Variants in CNBD1 observed in about 807,000 individuals in gnomAD.
CNBD1 encodes the protein cyclic nucleotide binding domain containing 1.
CNBD1 carries 71 observed loss-of-function variants against 54.4 expected under a neutral mutation model. The ratio of observed to expected loss-of-function variants is 1.30; its 90% CI spans 1.08 to 1.59. CNBD1 has a LOEUF of 1.59. Ranked by LOEUF, CNBD1 falls within the 40% of genes most tolerant of loss-of-function variation. The pLI, the probability that CNBD1 is intolerant of heterozygous loss-of-function variation, is 0.00. For synonymous variants in CNBD1, 182 were observed against 170.7 expected (o/e 1.07, Z -0.51); for missense variants, 659 against 518.0 (o/e 1.27, Z -2.64).
chr8:87,150,521 T>A (rs1327406115), intron 4 of CNBD1, among the ~76,000 whole-genome samples: 1 of 152,210 alleles, frequency 6.6e-6, no homozygotes, highest in African/African-American at 2.4e-5. Flanking sequence ...ACAATTTATT[T>A]AAAGATTTTG....
intron 8 of CNBD1, among the ~76,000 whole-genome samples, chr8:87,332,680 A>G (rs1017881978): frequency 1.4e-4 from 21 of 152,080 alleles, no homozygotes; most frequent in Non-Finnish European, 1.6e-4. Context: ...CGAATATCAG[A>G]TGGTTGTAGA....
Position 87,378,746 on chromosome 8 carries a change from G to C in CNBD1, c.1304-3874G>C, listed in dbSNP as rs549486723. Among the ~76,000 whole-genome samples the C allele has an allele frequency of 2.6e-5, 4 of 151,278 alleles. No individual in the cohort carries two copies. The South Asian group carries it at 6.2e-4, about 24-fold the overall frequency. ...TTGAATCTGTAAATTACCTTGGGCA[G>C]TATGGACATTTTCATGATATTGATT... On this transcript the variant is annotated intron_variant, in intron 10 of 10. Transcript: ENST00000518476.
chr8:87,427,943 C>T (rs1178137794), intron 2 of CNBD1, among the ~76,000 whole-genome samples: 6 of 152,068 alleles, frequency 3.9e-5, no homozygotes, highest in Admixed American at 3.9e-4. Flanking sequence ...CAAAGCCCCC[C>T]CAGCATACTT....
intron 4 of CNBD1, among the ~76,000 whole-genome samples, chr8:87,161,905 T>C (rs556605277): frequency 1.8e-4 from 28 of 152,252 alleles, no homozygotes; most frequent in Non-Finnish European, 3.4e-4. Context: ...TAGATTCTTA[T>C]TTTTTGCCTA....
chr8:87,328,347 T>C (rs1311365678), intron 8 of CNBD1, among the ~76,000 whole-genome samples: 1 of 151,992 alleles, frequency 6.6e-6, no homozygotes, highest in Non-Finnish European at 1.5e-5. Flanking sequence ...TTATTTTGTT[T>C]AATCTTTTAA....
At chr8:86,986,313 T>C (rs1808606277) in intron 4 of CNBD1, among the ~76,000 whole-genome samples, 1 of 152,182 alleles carries the variant, frequency 6.6e-6, no homozygotes, top group Non-Finnish European at 1.5e-5. Context: ...TATGTCTTCT[T>C]TTAAGAAGTA....
rs550904517 is a variant in CNBD1 at position 87,369,745 on chromosome 8, C to A, written c.1304-12875C>A. Among the ~76,000 whole-genome samples, 54 of 151,538 alleles carry A rather than the reference C, an allele frequency of 3.6e-4. No individual in the cohort carries two copies. In the East Asian group the frequency reaches 9.6e-3, roughly 27 times the overall value. ...GCTTTCTTTTTTTTTTATTATTATACTTTAAGTTTTAGGGTACATGTGCAC... is the reference window on the plus strand; with the variant it reads ...GCTTTCTTTTTTTTTTATTATTATAATTTAAGTTTTAGGGTACATGTGCAC... On this transcript the variant is annotated intron_variant, in intron 10 of 10. Coordinates refer to ENST00000518476, the MANE Select transcript of CNBD1 (RefSeq NM_173538.3).
chr8:87,150,836 T>C (rs1307486094), intron 4 of CNBD1, among the ~76,000 whole-genome samples: 1 of 152,170 alleles, frequency 6.6e-6, no homozygotes, highest in East Asian at 1.9e-4. Context: ...TTCAAAGAGA[T>C]AGCTCTTGGG....
intron 8 of CNBD1, among the ~76,000 whole-genome samples, chr8:87,298,004 A>G (rs1234257413): frequency 6.6e-6 from 1 of 151,648 alleles, no homozygotes. Flanking sequence ...ATAGACATTA[A>G]CATATTAATA....
chr8:87,392,316 G>A (rs1811324557), intron 2 of CNBD1, among the ~76,000 whole-genome samples: 1 of 151,920 alleles, frequency 6.6e-6, no homozygotes, highest in Non-Finnish European at 1.5e-5. Context: ...ATATCCAAGA[G>A]AAGTGAAAAC....
chr8:86,915,888 A>G (rs984726824), intron 3 of CNBD1, among the ~76,000 whole-genome samples: 4 of 152,180 alleles, frequency 2.6e-5, no homozygotes, highest in Admixed American at 6.5e-5. Flanking sequence ...ATGACAGTCA[A>G]TTCTCCTTTT....
chr8:87,246,466 T>A (rs1807807031), intron 6 of CNBD1, among the ~76,000 whole-genome samples: 1 of 152,150 alleles, frequency 6.6e-6, no homozygotes, highest in Non-Finnish European at 1.5e-5. Flanking sequence ...GTTAGAGAAT[T>A]TGGTCTTAAT....
intron 7 of CNBD1, among the ~76,000 whole-genome samples, chr8:87,285,566 T>C (rs13439651): frequency 1.9e-4 from 29 of 151,842 alleles, no homozygotes; most frequent in African/African-American, 7.0e-4. Flanking sequence ...GAGAAACCCC[T>C]TCTCTACTAA....
intron 4 of CNBD1, among the ~76,000 whole-genome samples, chr8:86,974,010 A>G (rs929503653): frequency 2.6e-5 from 4 of 152,128 alleles, no homozygotes; most frequent in African/African-American, 9.7e-5. Context: ...ATCTTCTAGG[A>G]GGATTTTTTT....
Position 87,284,732 on chromosome 8 carries a change from G to A in CNBD1, c.826G>A (p.Glu276Lys). 6.2e-7 allele frequency: 1 copy of A among 1,604,640 alleles called. No homozygotes were observed. The highest frequency in any genetic ancestry group is 8.5e-7 in the Non-Finnish European group (1 of 1,175,576). The change falls in exon 7 of 11, where the codon GAA becomes AAA. Residue 276 changes from glutamate (E) to lysine (K), a missense_variant. By Grantham distance (56) the Glu-to-Lys change is moderately conservative. Transcript: ENST00000518476. ...TLEVMPQNES[E>K]TQMFSVVTED... ...GGAAGTTATGCCTCAGAATGAATCG[G>A]AAACACAGATGTTCTCGGTGGTGAC...
intron 5 of CNBD1, among the ~76,000 whole-genome samples, chr8:87,234,318 C>G (rs1175368949): frequency 2.0e-5 from 3 of 152,114 alleles, no homozygotes; most frequent in African/African-American, 7.2e-5. Context: ...TCCAGAATGT[C>G]CAGTTTACTT....
intron 2 of CNBD1, among the ~76,000 whole-genome samples, chr8:87,397,635 C>A (rs1386465927): frequency 6.6e-6 from 1 of 151,882 alleles, no homozygotes; most frequent in Non-Finnish European, 1.5e-5. Flanking sequence ...CCTTTTAGTG[C>A]AACATAAAAT....
downstream of CNBD1, among the ~76,000 whole-genome samples, chr8:87,385,707 C>T (rs1323392752): frequency 1.3e-5 from 2 of 152,162 alleles, no homozygotes; most frequent in African/African-American, 4.8e-5. Context: ...CATAGCCAAT[C>T]AAAAGGCAGC....
chr8:87,402,913 T>C (rs1807593050), intron 2 of CNBD1, among the ~76,000 whole-genome samples: 1 of 152,078 alleles, frequency 6.6e-6, no homozygotes, highest in African/African-American at 2.4e-5. Flanking sequence ...GCTACTGCTG[T>C]ACAAGCACAC....
Sources: allele counts gnomAD v4.1 joint callset (sites outside exome capture counted in the v4.1 genomes callset), GRCh38; gene constraint gnomAD v4.1.1; transcripts MANE v1.5; gene names NCBI Gene and HGNC (gene_info 2026-07-23, HGNC 2026-07-21).